Variants in CNGB1 observed in about 807,000 individuals in gnomAD.
CNGB1 encodes cyclic nucleotide-gated channel beta-1.
In CNGB1, 126 loss-of-function variants were observed where a neutral mutation model predicts 151.7. The observed-to-expected ratio is 0.83, with a 90% CI of 0.72 to 0.96. CNGB1 has a LOEUF of 0.96. Ranked by LOEUF, CNGB1 falls within the 40% of genes least tolerant of loss-of-function variation. The pLI is 0.00. For synonymous variants in CNGB1, 623 were observed against 635.1 expected (o/e 0.98, Z 0.29); for missense variants, 1,698 against 1,627.0 (o/e 1.04, Z -0.75).
At chr16:57,961,853 T>C (rs1373089103) in intron 7 of CNGB1, among the ~76,000 whole-genome samples, 1 of 152,108 alleles carries the variant, frequency 6.6e-6, no homozygotes, top group Non-Finnish European at 1.5e-5. Context: ...AAGGAACGAA[T>C]GAATGGGGTG....
intron 29 of CNGB1, among the ~76,000 whole-genome samples, chr16:57,898,154 A>G (rs13331889): frequency 0.11 from 16,718 of 152,138 alleles, 1,016 homozygotes; most frequent in Middle Eastern, 0.2. Flanking sequence ...ACAGGGTTGC[A>G]GTGGGGGAGT....
At chr16:57,914,070 G>A (rs515370) in intron 23 of CNGB1, among the ~76,000 whole-genome samples, 70,625 of 152,090 alleles carry the variant, frequency 0.46, 16,846 homozygotes, top group East Asian at 0.58. Context: ...GTTCATTCTA[G>A]TTCCAGCCAC....
At position 57,919,116 on chromosome 16, in the gene CNGB1, C is replaced by A. The variant is rs955856871; in HGVS notation, c.1940G>T (p.Ser647Ile). The A allele has an allele frequency of 6.2e-7, 1 of 1,614,222 alleles. No homozygotes were observed. Among genetic ancestry groups the A allele is most frequent in the Non-Finnish European group, 8.5e-7 (1 of 1,180,052 alleles). Residue 647 changes from serine (S) to isoleucine (I), a missense_variant, in exon 20 of 33, where the codon AGC becomes ATC. Transcript: ENST00000251102. ...RPWKKYQFPQ[S>I]IDPLTNLMYV... ...GGACTCACTGGTCAGCGGGTCAATG[C>A]TCTGGGGAAACTGGTACTTCTTCCA...
chr16:57,885,782 A>G (rs1409701467), intron 32 of CNGB1, among the ~76,000 whole-genome samples: 1 of 151,762 alleles, frequency 6.6e-6, no homozygotes, highest in African/African-American at 2.4e-5. Context: ...TTTAGTAGAG[A>G]TGGGGTTTTA....
intron 17 of CNGB1, among the ~76,000 whole-genome samples, chr16:57,929,666 G>T (rs1337594350): frequency 6.6e-6 from 1 of 152,066 alleles, no homozygotes; most frequent in Non-Finnish European, 1.5e-5. Context: ...AATGCGGAGG[G>T]GCCACACAGT....
chr16:57,945,719 A>C (rs1961789691), intron 14 of CNGB1, among the ~76,000 whole-genome samples: 1 of 152,230 alleles, frequency 6.6e-6, no homozygotes, highest in Non-Finnish European at 1.5e-5. Flanking sequence ...TCTGTCTCTG[A>C]ACCTCAGTTC....
At position 57,917,297 on chromosome 16, in the gene CNGB1, G is replaced by A. The variant is rs1960895297; in HGVS notation, c.2137C>T (p.Leu713=). The part of the protein sequence containing the change: ...FLDITVFQTR[L]QFVRGGDIIT... ...ATGTCCCCGCCTCTGACAAACTGCA[G>A]GCGTGTCTGGAACACGGTGATGTCC... Residue 713 remains leucine (L), a synonymous_variant, in exon 21 of 33, where the codon CTG becomes TTG. Transcript: ENST00000251102. The A allele has an allele frequency of 6.2e-7, 1 of 1,614,088 alleles. No homozygotes were observed. The highest frequency in any genetic ancestry group is 2.2e-5 in the East Asian group (1 of 44,864).
chr16:57,898,558 A>G (rs1006175861), intron 29 of CNGB1, among the ~76,000 whole-genome samples: 110 of 152,082 alleles, frequency 7.2e-4, no homozygotes, highest in African/African-American at 2.5e-3. Flanking sequence ...TGGGATTACA[A>G]GCATGTGCCA....
At chr16:57,905,478 G>A (rs565863991) in intron 25 of CNGB1, among the ~76,000 whole-genome samples, 119 of 152,350 alleles carry the variant, frequency 7.8e-4, no homozygotes, top group Non-Finnish European at 1.3e-3. Flanking sequence ...GTAACCCTCT[G>A]ACGTCGGCTT....
chr16:57,918,703 TTTG>T (rs1192987476), intron 20 of CNGB1, among the ~76,000 whole-genome samples: 2 of 152,052 alleles, frequency 1.3e-5, no homozygotes, highest in African/African-American at 2.4e-5. Flanking sequence ...TCCAGGGACT[TTTG>T]TTGTTGTTTT....
In CNGB1 at chr16:57,926,971, C is replaced by T. The variant is rs545585111; in HGVS notation, c.1536-3591G>A. Among the ~76,000 whole-genome samples, 26 of 152,230 alleles carry T rather than the reference C, an allele frequency of 1.7e-4. No individual in the cohort carries two copies. The South Asian group carries it at 5.4e-3, about 32-fold the overall frequency. Reference sequence around the variant, plus strand: ...GCCTGGGCAACAGGCAACAAGAGCACAACTCTATCTCAAAACAAAACAAAA... The same window carrying T: ...GCCTGGGCAACAGGCAACAAGAGCATAACTCTATCTCAAAACAAAACAAAA... On this transcript the variant is annotated intron_variant, in intron 17 of 32. Transcript: ENST00000251102.
intron 25 of CNGB1, among the ~76,000 whole-genome samples, chr16:57,909,357 C>T (rs1455889492): frequency 4.6e-5 from 7 of 151,398 alleles, no homozygotes; most frequent in African/African-American, 1.7e-4. Flanking sequence ...AAACTTCAAA[C>T]CACTTTTAAA....
At chr16:57,932,730 G>A (rs1236707165) in intron 16 of CNGB1, among the ~76,000 whole-genome samples, 2 of 151,912 alleles carry the variant, frequency 1.3e-5, no homozygotes, top group African/African-American at 4.8e-5. Context: ...ACAGGCACCT[G>A]CCACCACGCC....
chr16:57,941,403 G>A (rs1016906620), intron 14 of CNGB1, among the ~76,000 whole-genome samples: 4 of 152,178 alleles, frequency 2.6e-5, no homozygotes, highest in Admixed American at 2.0e-4. Context: ...AAGGACGGTG[G>A]GGCAGGAAGG....
rs1306314651 is a variant in CNGB1 at position 57,960,088 on chromosome 16, G to A, written c.584-23C>T. ...GCGCTAAGCAGCGGGGAAAGCAGGA[G>A]CTAGAGACGCCATCCCTTGAGGGCT... On this transcript the variant is annotated intron_variant, in intron 9 of 32. Transcript: ENST00000251102. 6 of 1,540,394 alleles carry A rather than the reference G, an allele frequency of 3.9e-6. No homozygotes were observed. The Admixed American group carries it at 5.9e-5, about 15-fold the overall frequency.
intron 29 of CNGB1, among the ~76,000 whole-genome samples, chr16:57,899,850 C>A (rs1204840755): frequency 6.6e-6 from 1 of 152,182 alleles, no homozygotes; most frequent in Non-Finnish European, 1.5e-5. Context: ...ACCTCAGTAA[C>A]CAGTCCCCGG....
chr16:57,950,576 T>A (rs777537014), intron 12 of CNGB1, 36 bp from the exon 13 acceptor site: 2 of 1,612,962 alleles, frequency 1.2e-6, no homozygotes, highest in Non-Finnish European at 1.7e-6. Flanking sequence ...TTATGGGATG[T>A]GCGGGAGAGT....
chr16:57,917,481 G>A lies in CNGB1; in HGVS notation c.1958-5C>T, dbSNP rs751832118. 12 of 1,613,766 alleles carry A rather than the reference G, an allele frequency of 7.4e-6. No homozygotes were observed. Among genetic ancestry groups the A allele is most frequent in the Middle Eastern group, 3.4e-4 (2 of 5,928 alleles). On this transcript the variant is annotated splice_region_variant and splice_polypyrimidine_tract_variant and intron_variant, in intron 20 of 32. Transcript: ENST00000251102. ...GCCATAGGACATACATCAGGTCTGT[G>A]GGGAAGGTTGACGGGGACGCTAGAG...
intron 12 of CNGB1, among the ~76,000 whole-genome samples, chr16:57,953,599 C>A (rs1962015803): frequency 6.6e-6 from 1 of 152,050 alleles, no homozygotes; most frequent in South Asian, 2.1e-4. Context: ...AGGCTAAGGT[C>A]CCCACCTGGA....
Sources: gnomAD v4.1 joint callset for allele counts (sites outside exome capture counted in the v4.1 genomes callset) on GRCh38, gnomAD v4.1.1 for gene constraint, MANE v1.5 for transcripts, NCBI Gene and HGNC (gene_info 2026-07-23, HGNC 2026-07-21) for gene names.